Variants in EEFSEC observed in about 807,000 individuals in gnomAD.
EEFSEC encodes selenocysteine-specific elongation factor.
EEFSEC carries 43 observed loss-of-function variants against 42.1 expected under a neutral mutation model. That is an observed-to-expected ratio of 1.02 (90% CI 0.80 to 1.32). The LOEUF is 1.32. Ranked by LOEUF, EEFSEC falls within the 40% of genes most tolerant of loss-of-function variation. The pLI is 0.00. For synonymous variants in EEFSEC, 354 were observed against 339.1 expected (o/e 1.04, Z -0.48); for missense variants, 745 against 803.6 (o/e 0.93, Z 0.88).
chr3:128,416,360 A>G, the EEFSEC span, among the ~76,000 whole-genome samples: 1 of 152,068 alleles, frequency 6.6e-6, no homozygotes, highest in Non-Finnish European at 1.5e-5. Context: ...GGCCCTGCCC[A>G]GCTCCAACTC....
At chr3:128,285,076 G>T (rs977088919) in intron 4 of EEFSEC, among the ~76,000 whole-genome samples, 1 of 152,076 alleles carries the variant, frequency 6.6e-6, no homozygotes, top group Non-Finnish European at 1.5e-5. Flanking sequence ...TGACGGCTTG[G>T]TCTAGGGAGG....
At position 128,188,030 on chromosome 3, in the gene EEFSEC, T is replaced by A. The variant is rs115166173; in HGVS notation, c.316+34207T>A. On this transcript the variant is annotated intron_variant, in intron 1 of 6. Transcript: ENST00000254730. ...GGGCTTTGTATCTTGGACCAAAACA[T>A]TTACACTTTGTTCTGGGGGCAGCAG... Among the ~76,000 whole-genome samples, 612 of 152,206 alleles carry A rather than the reference T, an allele frequency of 4.0e-3. 10 individuals are homozygous for A. The highest frequency in any genetic ancestry group is 0.014 in the African/African-American group (590 of 41,532).
intron 1 of EEFSEC, among the ~76,000 whole-genome samples, chr3:128,207,028 G>A (rs1214788093): frequency 2.0e-5 from 3 of 152,186 alleles, no homozygotes; most frequent in Non-Finnish European, 4.4e-5. Context: ...CCTAGTTCAA[G>A]AAAATTGCAT....
At chr3:128,377,845 G>T (rs2067727507) in intron 6 of EEFSEC, among the ~76,000 whole-genome samples, 1 of 152,178 alleles carries the variant, frequency 6.6e-6, no homozygotes, top group South Asian at 2.1e-4. Context: ...GTGGGTGAAG[G>T]TGTCTGTTCT....
At chr3:128,206,313 T>C (rs532607709) in intron 1 of EEFSEC, among the ~76,000 whole-genome samples, 1 of 152,328 alleles carries the variant, frequency 6.6e-6, no homozygotes, top group South Asian at 2.1e-4. Context: ...GGAGCTCCTC[T>C]TTGTGCTTGG....
intron 4 of EEFSEC, among the ~76,000 whole-genome samples, chr3:128,337,567 CA>C (rs1469032438): frequency 6.6e-6 from 1 of 152,174 alleles, no homozygotes; most frequent in African/African-American, 2.4e-5. Context: ...GGTGCTTTGC[CA>C]GGTATGATTT....
chr3:128,190,943 A>T (rs2107803423), intron 1 of EEFSEC, among the ~76,000 whole-genome samples: 1 of 152,100 alleles, frequency 6.6e-6, no homozygotes, highest in East Asian at 1.9e-4. Flanking sequence ...TTATTATGGT[A>T]AAAAATATAT....
Position 128,404,942 on chromosome 3 carries a change from C to T in EEFSEC, c.1601-3127C>T, listed in dbSNP as rs1198326546. ...TCACTTCCGCCTGCCAGAGGGAGACCGGACCCTTTGTGCAGTGGGGCAGGC... is the reference window on the plus strand; with the variant it reads ...TCACTTCCGCCTGCCAGAGGGAGACTGGACCCTTTGTGCAGTGGGGCAGGC... On this transcript the variant is annotated intron_variant, in intron 6 of 6. Coordinates refer to ENST00000254730, the MANE Select transcript of EEFSEC (RefSeq NM_021937.5). 2.6e-5 allele frequency among the ~76,000 whole-genome samples: 4 copies of T among 152,142 alleles called. No individual in the cohort carries two copies. In the East Asian group the frequency reaches 5.8e-4, roughly 22 times the overall value.
chr3:128,206,466 G>C (rs989870532), intron 1 of EEFSEC, among the ~76,000 whole-genome samples: 1 of 152,134 alleles, frequency 6.6e-6, no homozygotes, highest in African/African-American at 2.4e-5. Context: ...ACTTGGCTTG[G>C]AGCAAGCCAG....
At chr3:128,155,973 G>A (rs1445203054) in intron 1 of EEFSEC, among the ~76,000 whole-genome samples, 2 of 152,192 alleles carry the variant, frequency 1.3e-5, no homozygotes, top group Non-Finnish European at 2.9e-5. Context: ...CCTTATAACT[G>A]AATTCTGTTT....
the EEFSEC span, among the ~76,000 whole-genome samples, chr3:128,416,044 C>T: frequency 6.6e-6 from 1 of 152,218 alleles, no homozygotes; most frequent in Non-Finnish European, 1.5e-5. Flanking sequence ...ACACACTGAC[C>T]AGGCTGCGGC....
chr3:128,365,155 T>C (rs994700979), intron 6 of EEFSEC, among the ~76,000 whole-genome samples: 4 of 152,206 alleles, frequency 2.6e-5, no homozygotes, highest in Non-Finnish European at 4.4e-5. Flanking sequence ...TCACAATTTA[T>C]TGGGCCCTCC....
chr3:128,191,311 A>G (rs530443497), intron 1 of EEFSEC, among the ~76,000 whole-genome samples: 96 of 152,126 alleles, frequency 6.3e-4, no homozygotes, highest in African/African-American at 1.9e-3. Context: ...ATTTTATTTT[A>G]TAGATGGGTC....
intron 4 of EEFSEC, among the ~76,000 whole-genome samples, chr3:128,299,821 C>T (rs570403135): frequency 1.8e-4 from 27 of 152,318 alleles, no homozygotes; most frequent in African/African-American, 5.8e-4. Flanking sequence ...CCTTCTTCTT[C>T]GTTGCTTTCA....
At chr3:128,371,094 A>G (rs1337330599) in intron 6 of EEFSEC, among the ~76,000 whole-genome samples, 1 of 152,188 alleles carries the variant, frequency 6.6e-6, no homozygotes, top group Non-Finnish European at 1.5e-5. Context: ...TATATATAAA[A>G]TGATGGTTTT....
intron 1 of EEFSEC, among the ~76,000 whole-genome samples, chr3:128,227,848 C>G (rs538466234): frequency 6.6e-6 from 1 of 152,232 alleles, no homozygotes; most frequent in African/African-American, 2.4e-5. Flanking sequence ...CTGGGGTCTT[C>G]TCCAAGTGGA....
intron 2 of EEFSEC, among the ~76,000 whole-genome samples, chr3:128,258,024 A>G (rs1430209597): frequency 6.6e-6 from 1 of 151,452 alleles, no homozygotes; most frequent in African/African-American, 2.4e-5. Flanking sequence ...TAAAATAAAT[A>G]TATTTAAGTA....
intron 4 of EEFSEC, among the ~76,000 whole-genome samples, chr3:128,292,873 A>G (rs568065777): frequency 7.2e-5 from 11 of 152,068 alleles, no homozygotes; most frequent in African/African-American, 2.7e-4. Context: ...AGCTTCTAAG[A>G]TGAAAGCTGA....
At chr3:128,222,009 C>T (rs1246748719) in intron 1 of EEFSEC, among the ~76,000 whole-genome samples, 4 of 138,432 alleles carry the variant, frequency 2.9e-5, no homozygotes, top group Non-Finnish European at 4.7e-5. Flanking sequence ...TTTTATTCTT[C>T]GTGTGTTTTT....
Sources: gnomAD v4.1 joint callset for allele counts (sites outside exome capture counted in the v4.1 genomes callset) on GRCh38, gnomAD v4.1.1 for gene constraint, MANE v1.5 for transcripts, NCBI Gene and HGNC (gene_info 2026-07-23, HGNC 2026-07-21) for gene names.